Variants in GPR158 observed in about 807,000 individuals in gnomAD.
The protein encoded by GPR158 is metabotropic glycine receptor.
GPR158 carries 30 observed loss-of-function variants against 78.2 expected under a neutral mutation model. The ratio of observed to expected loss-of-function variants is 0.38; its 90% confidence interval spans 0.29 to 0.52. GPR158 has a LOEUF of 0.52. GPR158 is among the 20% of genes least tolerant of loss of function. The probability of loss-of-function intolerance (pLI) is 0.83; values close to 1 mark genes in which losing one functional copy is unlikely to be tolerated. For missense variants in GPR158, 1,463 were observed against 1,523.5 expected, an observed-to-expected ratio of 0.96 and a Z score of 0.66; for synonymous variants, 581 against 591.1, an observed-to-expected ratio of 0.98 and a Z score of 0.25.
At chr10:25,411,084 AGTT>A (rs1208888667) in intron 3 of GPR158, among the ~76,000 whole-genome samples, 1 of 151,506 alleles carries the variant, frequency 6.6e-6, no homozygotes, top group Non-Finnish European at 1.5e-5. Flanking sequence ...AGTTGGAAAT[AGTT>A]GTTTCTGTTT....
intron 4 of GPR158, among the ~76,000 whole-genome samples, chr10:25,453,306 T>C (rs1835246721): frequency 6.6e-6 from 1 of 152,174 alleles, no homozygotes; most frequent in Admixed American, 6.6e-5. Flanking sequence ...ATCATACTGT[T>C]TTCCATAATG....
chr10:25,176,419 G>C lies in GPR158; in HGVS notation c.902+97G>C. 1.0e-6 allele frequency: 1 copy of C among 977,688 alleles called. No homozygotes were observed. Among genetic ancestry groups the C allele is most frequent in the South Asian group, 1.7e-5 (1 of 59,394 alleles). 60.6% of individuals were successfully genotyped at this position (977,688 alleles called of 1,614,324 possible). A position where few individuals can be genotyped will look rare whatever the true frequency, so the allele number is the denominator to read the frequency against. On this transcript the variant is annotated intron_variant, in intron 1 of 10. Transcript: ENST00000376351. The surrounding 1 kb of genome is among the most constrained non-coding windows in gnomAD (Gnocchi z 6.3). ...GTGTGAGGAAGGAACCCTTGGCTGTGACGCGAACGCTTCTCACCCTCAGAG... is the reference window on the plus strand; with the variant it reads ...GTGTGAGGAAGGAACCCTTGGCTGTCACGCGAACGCTTCTCACCCTCAGAG...
chr10:25,451,939 A>C (rs992249059), intron 4 of GPR158, among the ~76,000 whole-genome samples: 1 of 152,202 alleles, frequency 6.6e-6, no homozygotes. Context: ...ATATACTTCT[A>C]GGTCCCCGTT....
chr10:25,225,413 C>T (rs1039766835), intron 2 of GPR158, among the ~76,000 whole-genome samples: 18 of 151,880 alleles, frequency 1.2e-4, no homozygotes, highest in Admixed American at 1.2e-3. Flanking sequence ...ATGAAGGAAC[C>T]CAGTGACCAG....
intron 1 of GPR158, among the ~76,000 whole-genome samples, chr10:25,205,129 C>T (rs1292460066): frequency 1.3e-5 from 2 of 152,090 alleles, no homozygotes; most frequent in East Asian, 1.9e-4. Flanking sequence ...ATTGTGAGGC[C>T]TCCCCAGCCA....
At chr10:25,280,181 C>A (rs1854248581) in intron 2 of GPR158, among the ~76,000 whole-genome samples, 2 of 151,972 alleles carry the variant, frequency 1.3e-5, no homozygotes, top group African/African-American at 4.8e-5. Flanking sequence ...CAGAGGTTGA[C>A]AGATTGCATT....
intron 5 of GPR158, among the ~76,000 whole-genome samples, chr10:25,502,550 T>A (rs1055908278): frequency 8.5e-5 from 13 of 152,182 alleles, no homozygotes; most frequent in Non-Finnish European, 1.8e-4. Context: ...AGTTTCCATG[T>A]TCCTGCTGGG....
intron 2 of GPR158, among the ~76,000 whole-genome samples, chr10:25,367,742 T>A (rs1218851810): frequency 1.3e-5 from 2 of 151,822 alleles, no homozygotes; most frequent in Non-Finnish European, 2.9e-5. Context: ...TTGTGACACC[T>A]TCCTGCTGGA....
At chr10:25,306,403 G>A (rs1168470264) in intron 2 of GPR158, among the ~76,000 whole-genome samples, 4 of 152,106 alleles carry the variant, frequency 2.6e-5, no homozygotes, top group Non-Finnish European at 5.9e-5. Context: ...CTAAAATATT[G>A]TGTATAAAAC....
intron 2 of GPR158, among the ~76,000 whole-genome samples, chr10:25,357,459 G>T (rs1855569854): frequency 6.6e-6 from 1 of 152,234 alleles, no homozygotes; most frequent in East Asian, 1.9e-4. Flanking sequence ...ATGGTTCCAT[G>T]GGCCAGGCCC....
chr10:25,531,534 C>A (rs1411114556), intron 5 of GPR158, among the ~76,000 whole-genome samples: 1 of 152,070 alleles, frequency 6.6e-6, no homozygotes, highest in Non-Finnish European at 1.5e-5. Context: ...TTATTTGGGG[C>A]TGAGTAATAA....
At chr10:25,310,457 G>A (rs1288806388) in intron 2 of GPR158, among the ~76,000 whole-genome samples, 2 of 152,106 alleles carry the variant, frequency 1.3e-5, no homozygotes, top group Non-Finnish European at 2.9e-5. Context: ...TAGGGATTGT[G>A]TTGCATCTGT....
chr10:25,208,386 T>A (rs1023913123), intron 1 of GPR158, among the ~76,000 whole-genome samples: 1 of 152,342 alleles, frequency 6.6e-6, no homozygotes, highest in Middle Eastern at 3.4e-3. Context: ...AAACACTTTT[T>A]AAAAGTTGAT....
chr10:25,325,434 A>AAT (rs1323399841), intron 2 of GPR158, among the ~76,000 whole-genome samples: 9 of 148,486 alleles, frequency 6.1e-5, no homozygotes, highest in African/African-American at 2.0e-4. Context: ...TGTGTTTCTA[A>AAT]ATATATATAT....
At chr10:25,375,474 TCTACAA>T (rs1564437783) in intron 2 of GPR158, among the ~76,000 whole-genome samples, 1 of 151,668 alleles carries the variant, frequency 6.6e-6, no homozygotes, top group Non-Finnish European at 1.5e-5. Context: ...CTCTTTTTTT[TCTACAA>T]TTCTTATAGT....
At chr10:25,272,893 C>A (rs2130744770) in intron 2 of GPR158, among the ~76,000 whole-genome samples, 1 of 152,236 alleles carries the variant, frequency 6.6e-6, no homozygotes, top group Middle Eastern at 3.4e-3. Context: ...TCCTTTGAAC[C>A]AAGGCTGAGC....
At chr10:25,289,331 G>C (rs1035976775) in intron 2 of GPR158, among the ~76,000 whole-genome samples, 1 of 152,204 alleles carries the variant, frequency 6.6e-6, no homozygotes, top group Non-Finnish European at 1.5e-5. Context: ...AGGAGAGGCA[G>C]ACCTGACAGA....
chr10:25,532,317 G>C (rs1029000339), intron 5 of GPR158, among the ~76,000 whole-genome samples: 1 of 152,078 alleles, frequency 6.6e-6, no homozygotes, highest in Non-Finnish European at 1.5e-5. Context: ...CCAGGGACAG[G>C]GTATGCCTAA....
chr10:25,582,285 G>T (rs1407471747), intron 7 of GPR158, among the ~76,000 whole-genome samples: 2 of 152,148 alleles, frequency 1.3e-5, no homozygotes, highest in East Asian at 3.8e-4. Flanking sequence ...GTCTGCCTTT[G>T]TGAGCTCATC....
Sources: allele counts gnomAD v4.1 joint callset (sites outside exome capture counted in the v4.1 genomes callset), GRCh38; gene constraint gnomAD v4.1.1; non-coding constraint Gnocchi (gnomAD v3.1); transcripts MANE v1.5; gene names NCBI Gene and HGNC (gene_info 2026-07-23, HGNC 2026-07-21).